The following DIAPH2 variants were observed in gnomAD, a reference collection of about 807,000 sequenced individuals.
DIAPH2 encodes the protein protein diaphanous homolog 2.
Under a neutral mutation model 92.7 loss-of-function variants are expected in DIAPH2, and 35 were observed. That is an observed-to-expected ratio of 0.38 (90% CI 0.29 to 0.50). The LOEUF is 0.50. Among genes scored for constraint, DIAPH2 ranks in the 20% least tolerant of loss-of-function variants. The pLI is 0.94. For synonymous variants in DIAPH2, 301 were observed against 280.4 expected (o/e 1.07, Z -0.73); for missense variants, 701 against 819.5 (o/e 0.86, Z 1.77).
Position 96,939,283 on chromosome X carries a change from A to G in DIAPH2, c.1226A>G (p.Tyr409Cys), listed in dbSNP as rs2065677856. ...CTTTCTACTGATATGAATGAAGTCT[A>G]CCATCTTCTATATAATATGCTGAAG... ...RAEMDDMNEV[Y>C]HLLYNMLKDT... Residue 409 changes from tyrosine to cysteine, a missense_variant, in exon 12 of 27, where the codon TAC becomes TGC. Physicochemically the swap from Tyr to Cys is radical, Grantham distance 194. This residue lies in a region of DIAPH2 where 536 missense variants were observed against 599.3 expected (regional missense o/e 0.89). Transcript: ENST00000324765. The G allele has an allele frequency of 1.9e-6, 2 of 1,068,429 alleles. No individual in the cohort carries two copies. Among genetic ancestry groups the G allele is most frequent in the South Asian group, 2.0e-5 (1 of 50,477 alleles). The allele number at this position is 1,068,429 out of a possible 1,213,427, so 88.1% of individuals were successfully genotyped here.
chrX:97,395,331 G>A (rs184600364), intron 25 of DIAPH2, among the ~76,000 whole-genome samples: 21 of 110,897 alleles, frequency 1.9e-4, no homozygotes, highest in Admixed American at 1.8e-3. Context: ...AACCACCTCC[G>A]CCCACAAAAA....
At chrX:96,712,481 G>C (rs1024414602) in intron 1 of DIAPH2, among the ~76,000 whole-genome samples, 1 of 110,697 alleles carries the variant, frequency 9.0e-6, no homozygotes, top group Non-Finnish European at 1.9e-5. Context: ...TGCTCACCCT[G>C]TGGCAACCCT....
At chrX:96,870,932 C>T (rs1230016198) in intron 4 of DIAPH2, among the ~76,000 whole-genome samples, 1 of 111,699 alleles carries the variant, frequency 9.0e-6, no homozygotes, top group Non-Finnish European at 1.9e-5. Context: ...TCTAAAGTTA[C>T]TCTTGGAATC....
At chrX:97,360,855 T>C (rs1266941319) in intron 24 of DIAPH2, among the ~76,000 whole-genome samples, 1 of 110,829 alleles carries the variant, frequency 9.0e-6, no homozygotes, top group Middle Eastern at 4.3e-3. Flanking sequence ...AATATAAGAT[T>C]TGTAAATAAA....
intron 22 of DIAPH2, among the ~76,000 whole-genome samples, chrX:97,214,827 G>A (rs1027594309): frequency 1.8e-4 from 11 of 60,092 alleles, no homozygotes; most frequent in African/African-American, 6.4e-4. Flanking sequence ...GCAAAACTCC[G>A]TCTCAAATTA....
At chrX:97,501,726 G>A (rs964598849) in intron 26 of DIAPH2, among the ~76,000 whole-genome samples, 1 of 111,272 alleles carries the variant, frequency 9.0e-6, no homozygotes, top group African/African-American at 3.3e-5. Context: ...TTAATAAAGC[G>A]GGCTTTTAAA....
intron 9 of DIAPH2, among the ~76,000 whole-genome samples, chrX:96,922,208 A>G (rs2065550409): frequency 9.0e-6 from 1 of 111,401 alleles, no homozygotes. Flanking sequence ...GTCTGGCTAT[A>G]GATAACGTGC....
chrX:97,573,030 A>G (rs1250149529), intron 26 of DIAPH2, among the ~76,000 whole-genome samples: 1 of 111,392 alleles, frequency 9.0e-6, no homozygotes, highest in Non-Finnish European at 1.9e-5. Context: ...TTAAGTGAGC[A>G]CTTTTAGATG....
At chrX:97,545,722 G>A (rs1012326579) in intron 26 of DIAPH2, among the ~76,000 whole-genome samples, 1 of 108,322 alleles carries the variant, frequency 9.2e-6, no homozygotes, top group Non-Finnish European at 1.9e-5. Context: ...GCTGTCAGCT[G>A]CTCATTAAAT....
intron 22 of DIAPH2, among the ~76,000 whole-genome samples, chrX:97,174,472 A>C (rs1484305858): frequency 8.9e-6 from 1 of 111,874 alleles, no homozygotes; most frequent in Non-Finnish European, 1.9e-5. Context: ...GTGCTTTATG[A>C]CTTTATTATG....
At chrX:97,181,249 T>C (rs1198185822) in intron 22 of DIAPH2, among the ~76,000 whole-genome samples, 1 of 109,893 alleles carries the variant, frequency 9.1e-6, no homozygotes, top group African/African-American at 3.3e-5. Context: ...GTATTTTTAG[T>C]AGAGATGGAT....
intron 4 of DIAPH2, among the ~76,000 whole-genome samples, chrX:96,842,089 C>CATGCAGGCTT (rs1008259030): frequency 2.7e-5 from 3 of 111,142 alleles, no homozygotes; most frequent in Non-Finnish European, 5.7e-5. Flanking sequence ...GCCATCTGGA[C>CATGCAGGCTT]GTATACATGC....
intron 26 of DIAPH2, among the ~76,000 whole-genome samples, chrX:97,535,606 C>T (rs1049129726): frequency 9.0e-6 from 1 of 110,929 alleles, no homozygotes; most frequent in African/African-American, 3.3e-5. Context: ...CACGCGCCAC[C>T]ACACCCAGCT....
At chrX:97,139,202 G>A (rs2067193149) in intron 21 of DIAPH2, among the ~76,000 whole-genome samples, 1 of 109,699 alleles carries the variant, frequency 9.1e-6, no homozygotes, top group Non-Finnish European at 1.9e-5. Flanking sequence ...ACACGATAGG[G>A]CCTGAGAGAG....
chrX:97,198,480 T>C (rs1055580758), intron 22 of DIAPH2, among the ~76,000 whole-genome samples: 4 of 111,401 alleles, frequency 3.6e-5, no homozygotes, highest in African/African-American at 1.3e-4. Flanking sequence ...TTAATTTGAA[T>C]ATGCATATTA....
rs1290229966 is a variant in DIAPH2, at chrX:97,307,764, C to T, written c.2845-40352C>T. On this transcript the variant is annotated intron_variant, in intron 23 of 26. Transcript: ENST00000324765. ...TCTCTACTAAAAATACAAAATTAGC[C>T]GGGCGTGGTGGCGCATGCCTGTAAT... Among the ~76,000 whole-genome samples, 3 of 108,632 alleles carry T rather than the reference C, an allele frequency of 2.8e-5. No individual in the cohort carries two copies. The Admixed American group carries it at 3.0e-4, about 11-fold the overall frequency. The allele number at this position is 108,632 out of a possible 115,157, so 94.3% of individuals were successfully genotyped here.
At position 96,803,600 on chromosome X, in the gene DIAPH2, A is replaced by G. The variant is rs17281794; in HGVS notation, c.447+45342A>G. 1.0e-3 allele frequency among the ~76,000 whole-genome samples: 112 copies of G among 112,464 alleles called. 2 individuals are homozygous for G. In the East Asian group the frequency reaches 0.019, roughly 19 times the overall value. On this transcript the variant is annotated intron_variant, in intron 4 of 26. Coordinates refer to ENST00000324765, the MANE Select transcript of DIAPH2 (RefSeq NM_006729.5). ...AAGAATACCTAAGCCCTAGATAACA[A>G]TTTCTGCACACATACTCTATTAATA...
At chrX:97,474,780 T>G (rs1449188503) in intron 26 of DIAPH2, among the ~76,000 whole-genome samples, 1 of 108,622 alleles carries the variant, frequency 9.2e-6, no homozygotes, top group African/African-American at 3.4e-5. Flanking sequence ...AAAAAAAAAA[T>G]TAATAATAGT....
chrX:96,907,803 A>G (rs775066188), intron 5 of DIAPH2, among the ~76,000 whole-genome samples: 1 of 111,938 alleles, frequency 8.9e-6, no homozygotes, highest in African/African-American at 3.2e-5. Flanking sequence ...AAATGAAAGC[A>G]TGCTTACACA....
Sources: gnomAD v4.1 joint callset for allele counts (sites outside exome capture counted in the v4.1 genomes callset) on GRCh38, gnomAD v4.1.1 for gene constraint, gnomAD v4.1.1 regional missense constraint, MANE v1.5 for transcripts, NCBI Gene and HGNC (gene_info 2026-07-23, HGNC 2026-07-21) for gene names.